The following TIMP2 variants were observed in gnomAD, a reference collection of about 807,000 sequenced individuals.
The protein encoded by TIMP2 is TIMP metallopeptidase inhibitor 2.
A neutral mutation model predicts 24.3 loss-of-function variants in TIMP2; 5 were observed. The ratio of observed to expected loss-of-function variants is 0.21; its 90% CI spans 0.11 to 0.43. TIMP2 has a LOEUF of 0.43. Among genes scored for constraint, TIMP2 ranks in the 20% least tolerant of loss-of-function variants. TIMP2 has a pLI of 1.00. For synonymous variants in TIMP2, 130 were observed against 123.2 expected (o/e 1.06, Z -0.37); for missense variants, 221 against 297.5 (o/e 0.74, Z 1.89).
rs544106882 is a variant in TIMP2, at chr17:78,857,550, T to C, written c.437A>G (p.His146Arg). The change falls in exon 4 of 5, where the codon CAC becomes CGC. Residue 146 changes from histidine to arginine, a missense_variant. His to Arg is a conservative substitution (Grantham distance 29). Transcript: ENST00000262768. ...LSTTQKKSLNHRYQMGCECKI... is the reference protein window; with the variant it reads ...LSTTQKKSLNRRYQMGCECKI... ...GCACTCGCAGCCCATCTGGTACCTG[T>C]GGTTCAGGCTCTTCTTCTGGGTGGT... 3 of 1,614,150 alleles carry C rather than the reference T, an allele frequency of 1.9e-6. 1 individual carries two copies. In the South Asian group the frequency reaches 3.3e-5, roughly 18 times the overall value.
intron 1 of TIMP2, among the ~76,000 whole-genome samples, chr17:78,919,927 G>C (rs745582217): frequency 4.2e-4 from 64 of 152,182 alleles, no homozygotes; most frequent in Middle Eastern, 3.2e-3. Context: ...CCGGGGGACA[G>C]AGAGAGTGTC....
chr17:78,873,346 C>T (rs1383188501), intron 2 of TIMP2, among the ~76,000 whole-genome samples: 4 of 141,528 alleles, frequency 2.8e-5, no homozygotes, highest in Admixed American at 2.2e-4. Context: ...CTCTGTCACC[C>T]AGGCTGGAAT....
chr17:78,909,534 G>A (rs896447685), intron 1 of TIMP2, among the ~76,000 whole-genome samples: 60 of 150,376 alleles, frequency 4.0e-4, no homozygotes, highest in African/African-American at 1.4e-3. Context: ...GAAGCACCCC[G>A]TACCCCATCA....
At chr17:78,884,477 C>G (rs1323121327) in intron 1 of TIMP2, among the ~76,000 whole-genome samples, 1 of 152,184 alleles carries the variant, frequency 6.6e-6, no homozygotes, top group Non-Finnish European at 1.5e-5. Flanking sequence ...GAGACAGAAA[C>G]AGGGACATGA....
chr17:78,891,889 CTG>C lies in TIMP2; in HGVS notation c.131-17972_131-17971del, dbSNP rs1372071748. The C allele has an allele frequency of 6.4e-7, 1 of 1,550,496 alleles. No homozygotes were observed. The highest frequency in any genetic ancestry group is 2.0e-5 in the Admixed American group (1 of 50,984). ...TCATCCGACCCGTGGCTTTTGTAGT[CTG>C]TGGTTTCTCTGGACTCGCTGCTGTC... On this transcript the variant is annotated intron_variant, in intron 1 of 4. Transcript: ENST00000262768. The surrounding 1 kb of genome is among the most constrained non-coding windows in gnomAD (Gnocchi z 4.5).
chr17:78,914,255 C>CTATGCATTTATT lies in TIMP2; in HGVS notation c.130+10703_130+10704insAATAAATGCATA, dbSNP rs2070234457. Reference sequence around the variant, plus strand: ...CATTCATCTGCCTTCGAAATTTTGGCTATTCATTTATTTATTTATTTATTT... The same window carrying CTATGCATTTATT: ...CATTCATCTGCCTTCGAAATTTTGGCTATGCATTTATTTATTCATTTATTTATTTATTTATTT... On this transcript the variant is annotated intron_variant, in intron 1 of 4. Coordinates refer to ENST00000262768, the MANE Select transcript of TIMP2 (RefSeq NM_003255.5). 2.8e-5 allele frequency among the ~76,000 whole-genome samples: 3 copies of CTATGCATTTATT among 106,666 alleles called. No homozygotes were observed. In the East Asian group the frequency reaches 9.5e-4, roughly 34 times the overall value. 70.0% of individuals were successfully genotyped at this position (106,666 alleles called of 152,430 possible).
intron 1 of TIMP2, among the ~76,000 whole-genome samples, chr17:78,906,145 T>C (rs1599172921): frequency 6.6e-6 from 1 of 152,166 alleles, no homozygotes; most frequent in Non-Finnish European, 1.5e-5. Flanking sequence ...CCAAGGCAGG[T>C]AGATGGCTTG....
intron 1 of TIMP2, chr17:78,897,095 ACC>A: frequency 1.6e-6 from 1 of 628,460 alleles, no homozygotes; most frequent in African/African-American, 2.1e-5. Flanking sequence ...CACAGACAGC[ACC>A]CCCCCGCCCC....
intron 1 of TIMP2, among the ~76,000 whole-genome samples, chr17:78,888,751 T>C (rs561767086): frequency 6.6e-6 from 1 of 152,332 alleles, no homozygotes; most frequent in Non-Finnish European, 1.5e-5. Flanking sequence ...AGCAGGTATA[T>C]GTCCAAGGAG....
At chr17:78,877,118 A>T (rs34695023) in intron 1 of TIMP2, among the ~76,000 whole-genome samples, 6,497 of 152,298 alleles carry the variant, frequency 0.043, 196 homozygotes, top group Non-Finnish European at 0.059. Flanking sequence ...TGACGCTGAC[A>T]ACTTTGGGCT....
Position 78,925,207 on chromosome 17 carries a change from G to T in TIMP2, c.-119C>A, listed in dbSNP as rs1234618247. The T allele has an allele frequency of 4.4e-6, 1 of 225,900 alleles. No individual in the cohort carries two copies. The highest frequency in any genetic ancestry group is 2.4e-5 in the African/African-American group (1 of 42,222). 14.0% of individuals were successfully genotyped at this position (225,900 alleles called of 1,614,324 possible). A position where few individuals can be genotyped will look rare whatever the true frequency, so the allele number is the denominator to read the frequency against. On this transcript the variant is annotated 5_prime_UTR_variant, in exon 1 of 5. Coordinates refer to ENST00000262768, the MANE Select transcript of TIMP2 (RefSeq NM_003255.5). ...CGGGGCCGAGGCGGGCCCCTCCCGC[G>T]CGGCTCACCCTCCTCACCTGCCCCG...
At chr17:78,893,188 G>GGT (rs1221477428) in intron 1 of TIMP2, among the ~76,000 whole-genome samples, 2 of 135,362 alleles carry the variant, frequency 1.5e-5, no homozygotes, top group Non-Finnish European at 3.1e-5. Context: ...TGTGTGCAGG[G>GGT]GTGTGTGCAA....
In TIMP2 at chr17:78,891,473, G is replaced by A. The variant is rs1443960158; in HGVS notation, c.131-17554C>T. 6.4e-7 allele frequency: 1 copy of A among 1,551,078 alleles called. No homozygotes were observed. Among genetic ancestry groups the A allele is most frequent in the Non-Finnish European group, 8.7e-7 (1 of 1,147,124 alleles). On this transcript the variant is annotated intron_variant, in intron 1 of 4. Transcript: ENST00000262768. The surrounding 1 kb of genome is among the most constrained non-coding windows in gnomAD (Gnocchi z 4.5). ...GTTTATATTAAACAACTCTTCAAAGGCCAACTCCAGCTCTTTCTGCCACTT... is the reference window on the plus strand; with the variant it reads ...GTTTATATTAAACAACTCTTCAAAGACCAACTCCAGCTCTTTCTGCCACTT...
chr17:78,890,858 C>T lies in TIMP2; in HGVS notation c.131-16939G>A, dbSNP rs2069878585. The T allele has an allele frequency of 8.4e-6, 13 of 1,550,606 alleles. No individual in the cohort carries two copies. In the East Asian group the frequency reaches 1.2e-4, roughly 15 times the overall value. ...GGAGGAGGACTTCAGATGGGCCAGT[C>T]GAGCTCTTCTTTGCTCCCTCCTCTC... On this transcript the variant is annotated intron_variant, in intron 1 of 4. Coordinates refer to ENST00000262768, the MANE Select transcript of TIMP2 (RefSeq NM_003255.5).
chr17:78,907,336 C>T (rs1353026702), intron 1 of TIMP2, among the ~76,000 whole-genome samples: 1 of 152,158 alleles, frequency 6.6e-6, no homozygotes, highest in Non-Finnish European at 1.5e-5. Context: ...ACGCCCAGTC[C>T]CATTATAGGG....
intron 1 of TIMP2, among the ~76,000 whole-genome samples, chr17:78,923,706 C>T (rs2070327351): frequency 6.6e-6 from 1 of 152,180 alleles, no homozygotes; most frequent in South Asian, 2.1e-4. Flanking sequence ...CACACCAAGC[C>T]TTCCGCCCAG....
At chr17:78,882,623 C>T (rs2069789173) in intron 1 of TIMP2, among the ~76,000 whole-genome samples, 1 of 152,220 alleles carries the variant, frequency 6.6e-6, no homozygotes, top group African/African-American at 2.4e-5. Flanking sequence ...CAGGATGGGG[C>T]CGACCTCGCC....
intron 1 of TIMP2, among the ~76,000 whole-genome samples, chr17:78,911,716 C>G (rs1272436180): frequency 3.3e-5 from 5 of 152,008 alleles, no homozygotes; most frequent in African/African-American, 1.2e-4. Context: ...CAGGCATGAG[C>G]CACCCCACCT....
At chr17:78,890,457 C>T (rs1326267874) in intron 1 of TIMP2, 6 of 657,362 alleles carry the variant, frequency 9.1e-6, no homozygotes, top group Middle Eastern at 4.3e-4. Context: ...AGGCCGACCT[C>T]GGCCTCCCAA....
Sources: allele counts gnomAD v4.1 joint callset (sites outside exome capture counted in the v4.1 genomes callset), GRCh38; gene constraint gnomAD v4.1.1; non-coding constraint Gnocchi (gnomAD v3.1); transcripts MANE v1.5; gene names NCBI Gene and HGNC (gene_info 2026-07-23, HGNC 2026-07-21).